Variants in CDKAL1 observed in about 807,000 individuals in gnomAD.
CDKAL1 encodes the protein threonylcarbamoyladenosine tRNA methylthiotransferase.
A neutral mutation model predicts 68.2 loss-of-function variants in CDKAL1; 32 were observed. That is an observed-to-expected ratio of 0.47 (90% CI 0.35 to 0.63). The LOEUF is 0.63. Ranked by LOEUF, CDKAL1 falls within the 30% of genes least tolerant of loss-of-function variation. CDKAL1 has a pLI of 0.00. For synonymous variants in CDKAL1, 234 were observed against 244.3 expected (o/e 0.96, Z 0.39); for missense variants, 606 against 696.7 (o/e 0.87, Z 1.47).
At chr6:20,644,662 C>A (rs35255583) in intron 4 of CDKAL1, among the ~76,000 whole-genome samples, 33,939 of 151,950 alleles carry the variant, frequency 0.22, 4,095 homozygotes, top group African/African-American at 0.27. Context: ...AGCGAGACTC[C>A]GTCTCAAAAC....
At chr6:20,647,777 TCTGG>T (rs1768547391) in intron 4 of CDKAL1, among the ~76,000 whole-genome samples, 1 of 152,098 alleles carries the variant, frequency 6.6e-6, no homozygotes, top group South Asian at 2.1e-4. Flanking sequence ...TATAAGGCAC[TCTGG>T]CTGCTGGGTG....
chr6:20,573,865 C>T (rs1480506543), intron 4 of CDKAL1, among the ~76,000 whole-genome samples: 2 of 152,124 alleles, frequency 1.3e-5, no homozygotes, highest in East Asian at 1.9e-4. Flanking sequence ...AATGGATTTG[C>T]ACTAATTTGA....
chr6:20,990,088 C>T (rs890644847), intron 10 of CDKAL1, among the ~76,000 whole-genome samples: 1 of 151,772 alleles, frequency 6.6e-6, no homozygotes, highest in Non-Finnish European at 1.5e-5. Context: ...ACTAAAAATA[C>T]ACAAATTAGC....
At chr6:21,088,412 G>C (rs773826172) in intron 12 of CDKAL1, among the ~76,000 whole-genome samples, 1 of 152,064 alleles carries the variant, frequency 6.6e-6, no homozygotes, top group South Asian at 2.1e-4. Flanking sequence ...ATTGGTTTTC[G>C]GTTGTCATTT....
chr6:20,845,001 A>G (rs1310874462), intron 8 of CDKAL1, among the ~76,000 whole-genome samples: 1 of 152,236 alleles, frequency 6.6e-6, no homozygotes, highest in African/African-American at 2.4e-5. Flanking sequence ...ACACGTTTTA[A>G]AATGTATGTT....
rs1171206302 is a variant in CDKAL1 at position 20,979,627 on chromosome 6, GA to G, written c.910-20597del. ...AAGCCACTGACAGGAGATAGGAATG[GA>G]AAGAGTCTAAGTCTGGGAGCGGAGT... is the stretch of plus-strand genomic sequence containing the variant. On this transcript the variant is annotated intron_variant, in intron 10 of 15. Coordinates refer to ENST00000274695, the MANE Select transcript of CDKAL1 (RefSeq NM_017774.3). Among the ~76,000 whole-genome samples, 3 of 152,086 alleles carry G rather than the reference GA, an allele frequency of 2.0e-5. No homozygotes were observed. In the East Asian group the frequency reaches 5.8e-4, roughly 29 times the overall value.
chr6:21,146,643 G>T (rs1366933731), intron 13 of CDKAL1, among the ~76,000 whole-genome samples: 3 of 152,090 alleles, frequency 2.0e-5, no homozygotes, highest in African/African-American at 7.2e-5. Context: ...AAGGTCAGGA[G>T]ATCGAGAGCA....
At chr6:21,212,626 TAAATA>T (rs1233600042) in intron 15 of CDKAL1, among the ~76,000 whole-genome samples, 2 of 152,302 alleles carry the variant, frequency 1.3e-5, no homozygotes, top group South Asian at 2.1e-4. Flanking sequence ...TATTTTTAAA[TAAATA>T]AAATAGAATA....
intron 2 of CDKAL1, among the ~76,000 whole-genome samples, chr6:20,537,175 T>C (rs987365387): frequency 6.6e-6 from 1 of 152,130 alleles, no homozygotes; most frequent in African/African-American, 2.4e-5. Context: ...GTGTTGAAGA[T>C]TGAGAACCAT....
At chr6:21,097,304 T>C (rs1773364999) in intron 12 of CDKAL1, among the ~76,000 whole-genome samples, 1 of 152,118 alleles carries the variant, frequency 6.6e-6, no homozygotes, top group Non-Finnish European at 1.5e-5. Context: ...ACCCCGTCTC[T>C]ACTAAAAATA....
intron 6 of CDKAL1, among the ~76,000 whole-genome samples, chr6:20,740,389 T>C (rs979022544): frequency 6.6e-6 from 1 of 152,124 alleles, no homozygotes; most frequent in African/African-American, 2.4e-5. Context: ...CTCTCTCTCT[T>C]GTTCTTTGTA....
chr6:20,855,555 T>C (rs765753568), intron 9 of CDKAL1, among the ~76,000 whole-genome samples: 1 of 151,312 alleles, frequency 6.6e-6, no homozygotes, highest in Non-Finnish European at 1.5e-5. Flanking sequence ...TACTACTCAC[T>C]GATAATCTGG....
chr6:20,674,930 G>T (rs1202081562), intron 5 of CDKAL1, among the ~76,000 whole-genome samples: 2 of 152,192 alleles, frequency 1.3e-5, no homozygotes, highest in African/African-American at 2.4e-5. Context: ...TCAGGTGTGA[G>T]TGGGGAGTTT....
intron 4 of CDKAL1, among the ~76,000 whole-genome samples, chr6:20,612,841 C>T (rs988796424): frequency 6.6e-6 from 1 of 151,932 alleles, no homozygotes; most frequent in African/African-American, 2.4e-5. Context: ...AGTGTTTTCC[C>T]TATGTAAAAT....
At chr6:21,186,148 A>G (rs1320038312) in intron 13 of CDKAL1, among the ~76,000 whole-genome samples, 1 of 152,136 alleles carries the variant, frequency 6.6e-6, no homozygotes, top group Non-Finnish European at 1.5e-5. Flanking sequence ...CACTGCTGAA[A>G]GATTGTGGCA....
chr6:20,739,676 C>T (rs4710942), intron 6 of CDKAL1, 61 bp downstream of exon 6: 184,046 of 850,486 alleles, frequency 0.22, 22,041 homozygotes, highest in East Asian at 0.33. Flanking sequence ...GTAATAGCTC[C>T]GCATTTTATT....
At chr6:21,221,209 A>G (rs1414690675) in intron 15 of CDKAL1, among the ~76,000 whole-genome samples, 3 of 152,064 alleles carry the variant, frequency 2.0e-5, no homozygotes, top group Non-Finnish European at 2.9e-5. Context: ...GATAGCTTAT[A>G]ATTTTGTATT....
chr6:20,969,260 C>T (rs774071483), intron 10 of CDKAL1, among the ~76,000 whole-genome samples: 20 of 151,978 alleles, frequency 1.3e-4, no homozygotes, highest in South Asian at 2.1e-4. Flanking sequence ...AATTAATGCA[C>T]GTGTGTTATG....
At chr6:21,077,870 G>A (rs2150952790) in intron 12 of CDKAL1, among the ~76,000 whole-genome samples, 1 of 152,280 alleles carries the variant, frequency 6.6e-6, no homozygotes, top group South Asian at 2.1e-4. Flanking sequence ...AGGTTTTCAT[G>A]GATTACCTGA....
Sources: gnomAD v4.1 joint callset for allele counts (sites outside exome capture counted in the v4.1 genomes callset) on GRCh38, gnomAD v4.1.1 for gene constraint, MANE v1.5 for transcripts, NCBI Gene and HGNC (gene_info 2026-07-23, HGNC 2026-07-21) for gene names.